Variants in GLIS3 observed in about 807,000 individuals in gnomAD.
The protein encoded by GLIS3 is GLIS family zinc finger 3, also known as zinc finger protein GLIS3.
In GLIS3, 53 loss-of-function variants were observed where a neutral mutation model predicts 78.6. The observed-to-expected ratio is 0.67, with a 90% CI of 0.54 to 0.85. The LOEUF is 0.85. Ranked by LOEUF, GLIS3 falls within the 40% of genes least tolerant of loss-of-function variation. GLIS3 has a pLI of 0.00. For synonymous variants in GLIS3, 684 were observed against 509.9 expected, an observed-to-expected ratio of 1.34 and a Z score of -4.60; for missense variants, 1,703 against 1,231.1, an observed-to-expected ratio of 1.38 and a Z score of -5.74.
At chr9:4,322,595 T>C (rs972468714) in intron 2 of GLIS3, among the ~76,000 whole-genome samples, 6 of 152,234 alleles carry the variant, frequency 3.9e-5, no homozygotes, top group Admixed American at 1.3e-4. Context: ...TTTTTAATGA[T>C]TGCCATTCTA....
chr9:4,067,683 G>A (rs1182813489), intron 4 of GLIS3, among the ~76,000 whole-genome samples: 3 of 151,922 alleles, frequency 2.0e-5, no homozygotes, highest in African/African-American at 7.3e-5. Flanking sequence ...ACAGTATAGA[G>A]ATGAAAAACA....
intron 2 of GLIS3, among the ~76,000 whole-genome samples, chr9:4,316,348 T>C (rs1174779000): frequency 6.6e-6 from 1 of 152,244 alleles, no homozygotes; most frequent in Admixed American, 6.5e-5. Context: ...TCATTTTTTG[T>C]GGGTCCTTAA....
intron 4 of GLIS3, among the ~76,000 whole-genome samples, chr9:4,024,299 C>T (rs112120736): frequency 2.6e-5 from 4 of 152,162 alleles, no homozygotes; most frequent in South Asian, 2.1e-4. Context: ...ATTAGCATCA[C>T]GGCTGTACGA....
chr9:3,861,056 T>G lies in GLIS3; in HGVS notation c.2298-4872A>C, dbSNP rs528565012. ...TGAGAAGTCAGGAATATCAAAGTAC[T>G]TAATACAATGAAAGTCTGATGCCTT... is the stretch of plus-strand genomic sequence containing the variant. On this transcript the variant is annotated intron_variant, in intron 8 of 10. Coordinates refer to ENST00000381971, the MANE Select transcript of GLIS3 (RefSeq NM_001042413.2). Among the ~76,000 whole-genome samples the G allele has an allele frequency of 3.1e-4, 47 of 152,298 alleles. No individual in the cohort carries two copies. The South Asian group carries it at 9.3e-3, about 30-fold the overall frequency.
chr9:3,836,811 T>G (rs1818380107), intron 9 of GLIS3, among the ~76,000 whole-genome samples: 1 of 152,050 alleles, frequency 6.6e-6, no homozygotes, highest in African/African-American at 2.4e-5. Flanking sequence ...ACTGCCAACA[T>G]CTCACCACCG....
chr9:4,284,861 T>TGA (rs1256927822), intron 2 of GLIS3, among the ~76,000 whole-genome samples: 1 of 152,080 alleles, frequency 6.6e-6, no homozygotes, highest in Non-Finnish European at 1.5e-5. Flanking sequence ...GAGGCTGCAG[T>TGA]GAGACCAAGA....
intron 2 of GLIS3, among the ~76,000 whole-genome samples, chr9:4,216,151 G>C (rs953122127): frequency 2.7e-4 from 41 of 151,948 alleles, no homozygotes; most frequent in African/African-American, 8.9e-4. Flanking sequence ...TTATTCCTTA[G>C]TTCTAAATTA....
intron 4 of GLIS3, among the ~76,000 whole-genome samples, chr9:4,008,804 G>T (rs1252679725): frequency 6.6e-6 from 1 of 152,316 alleles, no homozygotes; most frequent in Non-Finnish European, 1.5e-5. Context: ...AGAAACTTTA[G>T]AGATGACTCT....
chr9:3,888,829 A>G (rs1822243429), intron 7 of GLIS3, among the ~76,000 whole-genome samples: 1 of 152,178 alleles, frequency 6.6e-6, no homozygotes. Flanking sequence ...ATTTTTTCAA[A>G]TAATTTTTAT....
At chr9:3,974,014 G>C (rs1406634357) in intron 4 of GLIS3, among the ~76,000 whole-genome samples, 1 of 152,130 alleles carries the variant, frequency 6.6e-6, no homozygotes, top group African/African-American at 2.4e-5. Flanking sequence ...GATCACTTAT[G>C]ATTCCTGTAA....
At chr9:4,103,234 T>G (rs1280368349) in intron 4 of GLIS3, among the ~76,000 whole-genome samples, 1 of 152,192 alleles carries the variant, frequency 6.6e-6, no homozygotes, top group African/African-American at 2.4e-5. Flanking sequence ...AATCTTAAAA[T>G]TAAAATTATT....
chr9:4,226,619 T>C (rs1180909119), intron 2 of GLIS3, among the ~76,000 whole-genome samples: 1 of 152,188 alleles, frequency 6.6e-6, no homozygotes, highest in Non-Finnish European at 1.5e-5. Flanking sequence ...TAGAACTCTA[T>C]AGCATTGCTT....
At chr9:4,480,060 C>T in the GLIS3 span, among the ~76,000 whole-genome samples, 1 of 151,802 alleles carries the variant, frequency 6.6e-6, no homozygotes, top group Non-Finnish European at 1.5e-5. Context: ...CGGCGCCTGG[C>T]CTTGACCAGA....
At chr9:4,250,080 C>T (rs1407913094) in intron 2 of GLIS3, among the ~76,000 whole-genome samples, 1 of 152,040 alleles carries the variant, frequency 6.6e-6, no homozygotes, top group African/African-American at 2.4e-5. Flanking sequence ...CCGAAATTTT[C>T]TTTTTTTGTT....
At chr9:4,067,484 G>T (rs1374601563) in intron 4 of GLIS3, among the ~76,000 whole-genome samples, 1 of 151,998 alleles carries the variant, frequency 6.6e-6, no homozygotes. Context: ...AGAAAAAGAC[G>T]CTGTAGGTCA....
chr9:4,193,401 A>G (rs1052239169), intron 2 of GLIS3, among the ~76,000 whole-genome samples: 1 of 152,250 alleles, frequency 6.6e-6, no homozygotes, highest in Non-Finnish European at 1.5e-5. Context: ...AACAGAAACC[A>G]TATGGCCTAA....
the GLIS3 span, among the ~76,000 whole-genome samples, chr9:4,358,895 C>A: frequency 6.6e-6 from 1 of 152,204 alleles, no homozygotes; most frequent in East Asian, 1.9e-4. Flanking sequence ...ACCACTGCTG[C>A]TGCCTCCACT....
chr9:4,364,727 T>G, the GLIS3 span, among the ~76,000 whole-genome samples: 1 of 145,466 alleles, frequency 6.9e-6, no homozygotes, highest in African/African-American at 2.5e-5. Context: ...TATATATATA[T>G]TATGTATTCA....
intron 2 of GLIS3, among the ~76,000 whole-genome samples, chr9:4,334,566 A>C (rs1349495671): frequency 6.6e-6 from 1 of 152,192 alleles, no homozygotes; most frequent in Non-Finnish European, 1.5e-5. Context: ...GTCATGGGGA[A>C]GTTATTGTTG....
Sources: allele counts gnomAD v4.1 joint callset (sites outside exome capture counted in the v4.1 genomes callset), GRCh38; gene constraint gnomAD v4.1.1; transcripts MANE v1.5; gene names NCBI Gene and HGNC (gene_info 2026-07-23, HGNC 2026-07-21).